EVI5: variants seen among roughly 807,000 people sequenced by gnomAD.
EVI5 encodes ecotropic viral integration site 5, also known as ecotropic viral integration site 5 protein homolog.
In EVI5, 73 loss-of-function variants were observed where a neutral mutation model predicts 112.0. The ratio of observed to expected loss-of-function variants is 0.65; its 90% CI spans 0.54 to 0.79. The LOEUF is 0.79. EVI5 is among the 30% of genes least tolerant of loss of function. The pLI is 0.00. For missense variants in EVI5, 900 were observed against 968.8 expected (o/e 0.93, Z 0.94); for synonymous variants, 305 against 319.9 (o/e 0.95, Z 0.50).
chr1:92,771,708 A>G (rs897696345), intron 1 of EVI5, among the ~76,000 whole-genome samples: 1 of 151,188 alleles, frequency 6.6e-6, no homozygotes. Flanking sequence ...CCAAGGTTCA[A>G]GCAATTCTCC....
chr1:92,590,784 G>A (rs1673704762), intron 18 of EVI5, among the ~76,000 whole-genome samples: 1 of 152,110 alleles, frequency 6.6e-6, no homozygotes, highest in Admixed American at 6.5e-5. Flanking sequence ...TACTCCTCGA[G>A]AAGAGCAACT....
intron 16 of EVI5, among the ~76,000 whole-genome samples, chr1:92,607,970 C>T (rs555806846): frequency 4.7e-4 from 72 of 151,662 alleles, no homozygotes; most frequent in Non-Finnish European, 8.1e-4. Flanking sequence ...GCGGTGAAAC[C>T]CCGTCTCTAC....
intron 13 of EVI5, among the ~76,000 whole-genome samples, chr1:92,652,279 A>C (rs908973150): frequency 6.6e-6 from 1 of 152,222 alleles, no homozygotes; most frequent in Non-Finnish European, 1.5e-5. Context: ...CCACTTAAAT[A>C]AGCTACCCAG....
chr1:92,608,476 G>T (rs1172272799), intron 16 of EVI5, among the ~76,000 whole-genome samples: 4 of 152,080 alleles, frequency 2.6e-5, no homozygotes, highest in Non-Finnish European at 5.9e-5. Flanking sequence ...GACCAAGGTG[G>T]GCAGATCACT....
chr1:92,633,350 T>C (rs951973813), intron 14 of EVI5, among the ~76,000 whole-genome samples: 4 of 152,282 alleles, frequency 2.6e-5, no homozygotes, highest in African/African-American at 9.6e-5. Flanking sequence ...TATGAATCGG[T>C]TGCTCCTGTA....
At chr1:92,599,521 C>A (rs955963003) in intron 18 of EVI5, among the ~76,000 whole-genome samples, 2 of 151,800 alleles carry the variant, frequency 1.3e-5, no homozygotes, top group Non-Finnish European at 2.9e-5. Context: ...TAAAAATATA[C>A]CTCTATATAT....
At chr1:92,584,387 CA>C (rs1480305768) in intron 18 of EVI5, among the ~76,000 whole-genome samples, 1 of 151,978 alleles carries the variant, frequency 6.6e-6, no homozygotes, top group Non-Finnish European at 1.5e-5. Context: ...ACATATGAAG[CA>C]AAATGTCTTA....
intron 15 of EVI5, among the ~76,000 whole-genome samples, chr1:92,624,689 C>CAAAAAAA (rs141559165): frequency 3.9e-5 from 2 of 51,760 alleles, no homozygotes; most frequent in Non-Finnish European, 6.5e-5. Context: ...GTCTCTACTT[C>CAAAAAAA]AAAAAAAAAA....
At position 92,531,884 on chromosome 1, in the gene EVI5, C is replaced by T. The variant is rs138448009; in HGVS notation, c.2167-17914G>A. ...ACTATGAAGAAACTGCAACAACTAA[C>T]GGGCAAAATAACCAGCTAGCATCAT... On this transcript the variant is annotated intron_variant, in intron 19 of 19. Transcript: ENST00000684568. 5.9e-4 allele frequency among the ~76,000 whole-genome samples: 90 copies of T among 152,238 alleles called. No homozygotes were observed. The East Asian group carries it at 0.01, about 17-fold the overall frequency.
At chr1:92,768,139 T>C (rs2103026456) in intron 1 of EVI5, among the ~76,000 whole-genome samples, 2 of 50,652 alleles carry the variant, frequency 3.9e-5, no homozygotes, top group Middle Eastern at 0.019. Context: ...TAGTTTCAAA[T>C]ATAACAGGAA....
At chr1:92,518,315 G>A (rs893143302) in intron 19 of EVI5, among the ~76,000 whole-genome samples, 6 of 152,144 alleles carry the variant, frequency 3.9e-5, no homozygotes, top group Non-Finnish European at 8.8e-5. Context: ...AAAACAAAAA[G>A]TATTATATTT....
intron 13 of EVI5, among the ~76,000 whole-genome samples, chr1:92,656,494 C>T (rs1283113231): frequency 6.6e-6 from 1 of 151,280 alleles, no homozygotes; most frequent in East Asian, 1.9e-4. Flanking sequence ...ACTAGAAAAA[C>T]AAGAACCTAA....
At chr1:92,599,757 G>A (rs997439798) in intron 18 of EVI5, among the ~76,000 whole-genome samples, 2 of 152,166 alleles carry the variant, frequency 1.3e-5, no homozygotes, top group Non-Finnish European at 1.5e-5. Flanking sequence ...AATTCTGAAA[G>A]AATGTGATAG....
chr1:92,547,662 G>T (rs879895229), intron 19 of EVI5, among the ~76,000 whole-genome samples: 7 of 152,048 alleles, frequency 4.6e-5, no homozygotes, highest in Admixed American at 4.6e-4. Context: ...TGATAAAGGG[G>T]ATATCACCAC....
chr1:92,661,724 C>A (rs1664050397), intron 13 of EVI5, among the ~76,000 whole-genome samples: 1 of 152,012 alleles, frequency 6.6e-6, no homozygotes, highest in South Asian at 2.1e-4. Context: ...ACCCTTTCAA[C>A]TGCCAATTTT....
upstream of EVI5, chr1:92,785,133 A>G (rs1685473158): frequency 2.0e-6 from 2 of 984,770 alleles, no homozygotes; most frequent in African/African-American, 3.5e-5. Flanking sequence ...GGAGGGCCTT[A>G]AAGAGACCCG....
rs1659118614 is a variant in EVI5, at chr1:92,510,409, G to A, written c.*3247C>T. Reference sequence around the variant, plus strand: ...TTCTACAGTTTTCTATGGAATAAGAGACTTCATCATATAAAATGGCTGGCA... The same window carrying A: ...TTCTACAGTTTTCTATGGAATAAGAAACTTCATCATATAAAATGGCTGGCA... On this transcript the variant is annotated 3_prime_UTR_variant, in exon 20 of 20. Transcript: ENST00000684568. 2 of 152,148 alleles carry A rather than the reference G, an allele frequency of 1.3e-5. No individual in the cohort carries two copies. The highest frequency in any genetic ancestry group is 4.1e-4 in the South Asian group (2 of 4,836). The allele number at this position is 152,148 out of a possible 1,614,324, so 9.4% of individuals were successfully genotyped here.
Position 92,694,298 on chromosome 1 carries a change from C to A in EVI5, c.999+1G>T. 6.6e-7 allele frequency: 1 copy of A among 1,518,914 alleles called. No individual in the cohort carries two copies. The highest frequency in any genetic ancestry group is 9.1e-7 in the Non-Finnish European group (1 of 1,103,166). The allele number at this position is 1,518,914 out of a possible 1,614,324, so 94.1% of individuals were successfully genotyped here. A position where few individuals can be genotyped will look rare whatever the true frequency, so the allele number is the denominator to read the frequency against. The stretch of plus-strand genomic sequence containing the variant: ...AAAAAGAAAATAAATTATGAACTTA[C>A]CTGTAACATCCCTTCCATGTCAAGT... On this transcript the variant is annotated splice_donor_variant, in intron 8 of 19. Transcript: ENST00000684568. LOFTEE classifies it high-confidence loss of function.
At chr1:92,653,726 G>A (rs184379332) in intron 13 of EVI5, among the ~76,000 whole-genome samples, 9 of 152,326 alleles carry the variant, frequency 5.9e-5, no homozygotes, top group East Asian at 3.9e-4. Flanking sequence ...GAGCAGCAGC[G>A]TTCCTGCAAG....
Sources: allele counts gnomAD v4.1 joint callset (sites outside exome capture counted in the v4.1 genomes callset), GRCh38; gene constraint gnomAD v4.1.1; transcripts MANE v1.5; gene names NCBI Gene and HGNC (gene_info 2026-07-23, HGNC 2026-07-21).